Variants in GATA3 observed in about 807,000 individuals in gnomAD.
GATA3 encodes trans-acting T-cell-specific transcription factor GATA-3.
Under a neutral mutation model 36.0 loss-of-function variants are expected in GATA3, and 6 were observed. The ratio of observed to expected loss-of-function variants is 0.17; its 90% CI spans 0.09 to 0.33. The LOEUF (loss-of-function observed/expected upper bound fraction) is 0.33, where lower values mean the gene tolerates loss of function less well. Ranked by LOEUF, GATA3 falls within the 10% of genes least tolerant of loss-of-function variation. GATA3 has a pLI of 1.00. For missense variants in GATA3, 514 were observed against 610.1 expected (o/e 0.84, Z 1.66); for synonymous variants, 326 against 273.0 (o/e 1.19, Z -1.92).
upstream of GATA3, chr10:8,052,904 G>GT (rs112016392): frequency 2.7e-3 from 398 of 150,096 alleles, 20 homozygotes; most frequent in African/African-American, 9.1e-3. Flanking sequence ...TGGCGGGGGG[G>GT]GGGGGAGCTT....
chr10:8,050,150 C>A (rs974544521), upstream of GATA3, among the ~76,000 whole-genome samples: 23 of 152,252 alleles, frequency 1.5e-4, no homozygotes, highest in African/African-American at 4.8e-4. Flanking sequence ...ACCCTCCCTT[C>A]CGCGCAGCCT....
rs1457688684 is a variant in GATA3, at chr10:8,055,142, C to T, written c.-369-145C>T. ...CGCGAGCCGGGCTGCAGGGACGTCCCCGAGAGCCCTGCGGGCTCCGCGGCC... is the reference window on the plus strand; with the variant it reads ...CGCGAGCCGGGCTGCAGGGACGTCCTCGAGAGCCCTGCGGGCTCCGCGGCC... On this transcript the variant is annotated intron_variant, in intron 1 of 5. Coordinates refer to ENST00000379328, the MANE Select transcript of GATA3 (RefSeq NM_001002295.2). The surrounding 1 kb of genome is among the most constrained non-coding windows in gnomAD (Gnocchi z 5.4). 6 of 215,386 alleles carry T rather than the reference C, an allele frequency of 2.8e-5. No individual in the cohort carries two copies. Among genetic ancestry groups the T allele is most frequent in the Admixed American group, 1.2e-4 (2 of 17,214 alleles). 13.3% of individuals were successfully genotyped at this position (215,386 alleles called of 1,614,324 possible). A position where few individuals can be genotyped will look rare whatever the true frequency, so the allele number is the denominator to read the frequency against.
intron 5 of GATA3, among the ~76,000 whole-genome samples, 185 bp from the exon 6 acceptor site, chr10:8,073,554 A>G (rs915215911): frequency 3.3e-5 from 5 of 152,040 alleles, no homozygotes; most frequent in Non-Finnish European, 7.4e-5. Context: ...AACTGTATGT[A>G]TTTTAGTTCT....
At position 8,073,877 on chromosome 10, in the gene GATA3, C is replaced by A. The variant is rs2131521568; in HGVS notation, c.1189C>A (p.Leu397Ile). The A allele has an allele frequency of 6.2e-7, 1 of 1,614,132 alleles. No homozygotes were observed. The highest frequency in any genetic ancestry group is 1.1e-5 in the South Asian group (1 of 91,074). ...PKNSSFNPAALSRHMSSLSHI... is the reference protein window; with the variant it reads ...PKNSSFNPAAISRHMSSLSHI... ...GAACAGCTCGTTTAACCCGGCCGCCCTCTCCAGACACATGTCCTCCCTGAG... is the reference window on the plus strand; with the variant it reads ...GAACAGCTCGTTTAACCCGGCCGCCATCTCCAGACACATGTCCTCCCTGAG... Residue 397 changes from leucine to isoleucine, a missense_variant, in exon 6 of 6, where the codon CTC (leucine) becomes ATC (isoleucine). Physicochemically the swap from Leu to Ile is conservative, Grantham distance 5 (BLOSUM62 2). Transcript: ENST00000379328.
chr10:8,051,895 C>T (rs962584358), upstream of GATA3, among the ~76,000 whole-genome samples: 1 of 152,204 alleles, frequency 6.6e-6, no homozygotes, highest in Non-Finnish European at 1.5e-5. Flanking sequence ...CCTCTCCAGC[C>T]TCGCTCCCTT....
At chr10:8,053,147 T>C (rs1014391732), upstream of GATA3, 16 of 152,358 alleles carry the variant, frequency 1.1e-4, no homozygotes, top group Admixed American at 3.3e-4. The surrounding 1 kb of genome is among the most constrained non-coding windows in gnomAD (Gnocchi z 5.1). Flanking sequence ...ATATTGTTGT[T>C]GTTCCTTCAC....
At position 8,064,075 on chromosome 10, in the gene GATA3, C is replaced by A. The variant is rs1294301369; in HGVS notation, c.861C>A (p.Ala287=). The A allele has an allele frequency of 6.2e-7, 1 of 1,614,160 alleles. No individual in the cohort carries two copies. The highest frequency in any genetic ancestry group is 8.5e-7 in the Non-Finnish European group (1 of 1,180,036). Residue 287 remains alanine, a synonymous_variant, in exon 4 of 6, where the codon GCC becomes GCA. Coordinates refer to ENST00000379328, the MANE Select transcript of GATA3 (RefSeq NM_001002295.2). The part of the protein sequence containing the change: ...RDGTGHYLCN[A]CGLYHKMNGQ... Reference sequence around the variant, plus strand: ...GCACGGGACACTACCTGTGCAACGCCTGCGGGCTCTATCACAAAATGAACG... The same window carrying A: ...GCACGGGACACTACCTGTGCAACGCATGCGGGCTCTATCACAAAATGAACG...
At chr10:8,058,233 G>A (rs1832676119) in intron 2 of GATA3, 72 bp from the exon 3 acceptor site, 1 of 1,521,856 alleles carries the variant, frequency 6.6e-7, no homozygotes, top group Non-Finnish European at 9.1e-7. Flanking sequence ...GATTCCCCAG[G>A]TGTCCCTGAC....
intron 3 of GATA3, among the ~76,000 whole-genome samples, chr10:8,061,077 C>T (rs901346430): frequency 3.4e-5 from 5 of 147,822 alleles, no homozygotes; most frequent in African/African-American, 4.9e-5. Flanking sequence ...CTCTCTCTCT[C>T]TCTCTCTCTC....
rs1041429196 is a variant in GATA3, at chr10:8,055,266, C to A, written c.-369-21C>A. 2.7e-6 allele frequency: 1 copy of A among 372,336 alleles called. No homozygotes were observed. Among genetic ancestry groups the A allele is most frequent in the African/African-American group, 2.2e-5 (1 of 46,342 alleles). The allele number at this position is 372,336 out of a possible 1,614,324, so 23.1% of individuals were successfully genotyped here. ...CAGCAACTCAGGGGCTCATCCAGGT[C>A]TCCCATTCTCTCCCTTGCAGGTGAC... On this transcript the variant is annotated intron_variant, in intron 1 of 5. Transcript: ENST00000379328. The surrounding 1 kb of genome is among the most constrained non-coding windows in gnomAD (Gnocchi z 5.4).
chr10:8,050,770 C>T, upstream of GATA3: 1 of 315,152 alleles, frequency 3.2e-6, no homozygotes, highest in Admixed American at 4.1e-5. Context: ...ATTTCGCGCG[C>T]GCTCTGCTTG....
chr10:8,051,277 G>GAGAT, upstream of GATA3: 1 of 309,040 alleles, frequency 3.2e-6, no homozygotes, highest in Non-Finnish European at 6.9e-6. Context: ...CACATACCCC[G>GAGAT]CTCAACTTGA....
chr10:8,066,649 C>A (rs1006034199), intron 4 of GATA3, among the ~76,000 whole-genome samples: 14 of 152,108 alleles, frequency 9.2e-5, no homozygotes, highest in African/African-American at 3.4e-4. Context: ...CCTGAAAAAA[C>A]TAATGCAAGA....
chr10:8,051,369 C>T (rs1832488716), upstream of GATA3: 2 of 279,628 alleles, frequency 7.2e-6, no homozygotes, highest in South Asian at 6.6e-5. Context: ...CCCCGGGCCC[C>T]GGCTCCTCTC....
chr10:8,058,692 G>A lies in GATA3; in HGVS notation c.629G>A (p.Gly210Glu). 4 of 1,613,096 alleles carry A rather than the reference G, an allele frequency of 2.5e-6. No individual in the cohort carries two copies. Among genetic ancestry groups the A allele is most frequent in the Non-Finnish European group, 3.4e-6 (4 of 1,179,964 alleles). Residue 210 changes from glycine (G) to glutamate (E), a missense_variant, in exon 3 of 6, where the codon GGA becomes GAA. This residue lies in a region of GATA3 where 381 missense variants were observed against 354.3 expected (regional missense o/e 1.08). Coordinates refer to ENST00000379328, the MANE Select transcript of GATA3 (RefSeq NM_001002295.2). ...HSRGSMTALG[G>E]ASSSTHHPIT... ...CGTGGCAGCATGACCGCCCTGGGTG[G>A]AGCCTCCTCGTCGACCCACCACCCC...
At chr10:8,054,668 G>T (rs1396033826), upstream of GATA3, 1 of 151,690 alleles carries the variant, frequency 6.6e-6, no homozygotes, top group African/African-American at 2.4e-5. The surrounding 1 kb of genome is among the most constrained non-coding windows in gnomAD (Gnocchi z 4.2). Flanking sequence ...CTTAAGTTGC[G>T]TCGCGCCACA....
rs1022507833 is a variant in GATA3 at position 8,074,439 on chromosome 10, C to G, written c.*416C>G. 2.0e-5 allele frequency: 5 copies of G among 244,818 alleles called. No homozygotes were observed. The highest frequency in any genetic ancestry group is 1.1e-4 in the African/African-American group (5 of 45,528). 15.2% of individuals were successfully genotyped at this position (244,818 alleles called of 1,614,324 possible). A position where few individuals can be genotyped will look rare whatever the true frequency, so the allele number is the denominator to read the frequency against. ...TTAAGAAGAAACTAGGTCTGATATTCAAATGGACAAACTGCCAGTTTTGTT... is the reference window on the plus strand; with the variant it reads ...TTAAGAAGAAACTAGGTCTGATATTGAAATGGACAAACTGCCAGTTTTGTT... On this transcript the variant is annotated 3_prime_UTR_variant, in exon 6 of 6. Coordinates refer to ENST00000379328, the MANE Select transcript of GATA3 (RefSeq NM_001002295.2).
At chr10:8,068,489 C>T (rs572907785) in intron 4 of GATA3, among the ~76,000 whole-genome samples, 62 of 152,278 alleles carry the variant, frequency 4.1e-4, no homozygotes, top group African/African-American at 1.3e-3. Flanking sequence ...TGGTGGCTCA[C>T]GCCTGTAATA....
chr10:8,050,845 C>T (rs548323029), upstream of GATA3: 4 of 414,496 alleles, frequency 9.7e-6, no homozygotes, highest in Non-Finnish European at 2.0e-5. Flanking sequence ...CTCTCTCCCC[C>T]TCCGCGGGAT....
Sources: allele counts gnomAD v4.1 joint callset (sites outside exome capture counted in the v4.1 genomes callset), GRCh38; gene constraint gnomAD v4.1.1; regional missense constraint gnomAD v4.1.1; non-coding constraint Gnocchi (gnomAD v3.1); transcripts MANE v1.5; gene names NCBI Gene and HGNC (gene_info 2026-07-23, HGNC 2026-07-21).